FBXL17: variants seen among roughly 807,000 people sequenced by gnomAD.
FBXL17 encodes F-box/LRR-repeat protein 17.
FBXL17 carries 22 observed loss-of-function variants against 66.2 expected under a neutral mutation model. The ratio of observed to expected loss-of-function variants is 0.33; its 90% CI spans 0.24 to 0.47. The LOEUF is 0.47. Among genes scored for constraint, FBXL17 ranks in the 20% least tolerant of loss-of-function variants. The probability of loss-of-function intolerance (pLI) is 1.00; values close to 1 mark genes in which losing one functional copy is unlikely to be tolerated. For synonymous variants in FBXL17, 474 were observed against 400.5 expected, an observed-to-expected ratio of 1.18 and a Z score of -2.19; for missense variants, 878 against 948.2, an observed-to-expected ratio of 0.93 and a Z score of 0.97.
chr5:107,863,281 T>C (rs980682071), intron 8 of FBXL17, among the ~76,000 whole-genome samples: 6 of 151,416 alleles, frequency 4.0e-5, no homozygotes, highest in African/African-American at 1.4e-4. Flanking sequence ...TCATCTGGCC[T>C]TGCCTATTCC....
rs1403305733 is a variant in FBXL17 at position 108,342,739 on chromosome 5, C to T, written c.1506+5660G>A. Among the ~76,000 whole-genome samples, 4 of 152,118 alleles carry T rather than the reference C, an allele frequency of 2.6e-5. No individual in the cohort carries two copies. In the East Asian group the frequency reaches 7.7e-4, roughly 29 times the overall value. ...GGTAAAATTGGATAAAAATAGCTAC[C>T]TCATGTGGTAGTTATGAGGATTAAT... is the stretch of plus-strand genomic sequence containing the variant. On this transcript the variant is annotated intron_variant, in intron 4 of 8. Coordinates refer to ENST00000542267, the MANE Select transcript of FBXL17 (RefSeq NM_001163315.3).
chr5:108,380,738 G>C lies in FBXL17; in HGVS notation c.954C>G (p.Thr318=). 1 of 1,250,250 alleles carries C rather than the reference G, an allele frequency of 8.0e-7. No homozygotes were observed. The highest frequency in any genetic ancestry group is 1.0e-6 in the Non-Finnish European group (1 of 989,728). 77.4% of individuals were successfully genotyped at this position (1,250,250 alleles called of 1,614,324 possible). ...ACGGCGGCAGCTGGTTGATGTCTGG[G>C]GTTTCGGGGGGCGGCTCCCTGTGAC... ...CDCHREPPPE[T]PDINQLPPSI... The change falls in exon 1 of 9, where the codon ACC becomes ACG. Residue 318 remains threonine (T), a synonymous_variant. Transcript: ENST00000542267.
chr5:108,029,928 C>T (rs141597124), intron 6 of FBXL17, among the ~76,000 whole-genome samples: 138 of 151,994 alleles, frequency 9.1e-4, no homozygotes, highest in Non-Finnish European at 1.5e-3. Flanking sequence ...TGGTTCCTAA[C>T]GTTAAAAAGT....
chr5:108,080,963 G>A (rs893995027), intron 6 of FBXL17, among the ~76,000 whole-genome samples: 2 of 152,100 alleles, frequency 1.3e-5, no homozygotes, highest in African/African-American at 2.4e-5. Context: ...ACCTGGAAAG[G>A]GAAAGGGATT....
chr5:107,879,622 G>A (rs1013933971), intron 8 of FBXL17: 2 of 985,310 alleles, frequency 2.0e-6, no homozygotes, highest in African/African-American at 1.7e-5. Context: ...AAATCACAAA[G>A]GACACAAGAG....
intron 4 of FBXL17, among the ~76,000 whole-genome samples, chr5:108,304,795 C>A (rs759646914): frequency 1.4e-4 from 22 of 151,970 alleles, no homozygotes; most frequent in Non-Finnish European, 2.6e-4. Flanking sequence ...CCTCATATTT[C>A]AGCCTTGTAC....
intron 3 of FBXL17, among the ~76,000 whole-genome samples, chr5:108,356,030 T>C (rs573155216): frequency 3.3e-5 from 5 of 152,262 alleles, no homozygotes; most frequent in South Asian, 2.1e-4. Context: ...TAAAAGTAAA[T>C]GGATGAAGAA....
At chr5:108,132,750 G>A (rs1561426184) in intron 6 of FBXL17, among the ~76,000 whole-genome samples, 2 of 152,028 alleles carry the variant, frequency 1.3e-5, no homozygotes, top group Non-Finnish European at 2.9e-5. Flanking sequence ...AATAATGATG[G>A]TCTTACCATA....
At chr5:108,282,269 C>G (rs1580739866) in intron 4 of FBXL17, among the ~76,000 whole-genome samples, 1 of 151,796 alleles carries the variant, frequency 6.6e-6, no homozygotes, top group East Asian at 1.9e-4. Flanking sequence ...CAAAAATCCT[C>G]AACATACTAG....
chr5:108,181,536 A>C (rs1753003508), intron 6 of FBXL17, among the ~76,000 whole-genome samples: 1 of 152,214 alleles, frequency 6.6e-6, no homozygotes, highest in African/African-American at 2.4e-5. Context: ...AAAGTATAAC[A>C]GTAAAGTCTT....
chr5:108,364,939 G>A lies in FBXL17; in HGVS notation c.1173C>T (p.Ile391=), dbSNP rs779647166. ...ACATACTGCGACAATCAGAAATGTT[G>A]ATTTCAATTATATTCTGACTTCTTG... is the stretch of plus-strand genomic sequence containing the variant. ...IASRSQNIIE[I]NISDCRSMSD... is the part of the protein sequence containing the mutation. The change falls in exon 3 of 9, where the codon ATC becomes ATT. Residue 391 remains isoleucine, a synonymous_variant. Coordinates refer to ENST00000542267, the MANE Select transcript of FBXL17 (RefSeq NM_001163315.3). 6.2e-7 allele frequency: 1 copy of A among 1,611,408 alleles called. No homozygotes were observed. Among genetic ancestry groups the A allele is most frequent in the South Asian group, 1.1e-5 (1 of 90,962 alleles).
chr5:108,330,968 G>T (rs570536190), intron 4 of FBXL17, among the ~76,000 whole-genome samples: 14 of 152,058 alleles, frequency 9.2e-5, no homozygotes, highest in Non-Finnish European at 1.9e-4. Flanking sequence ...CAGGACTGTC[G>T]CTTGAACCCA....
At chr5:108,056,148 A>G (rs1290718701) in intron 6 of FBXL17, among the ~76,000 whole-genome samples, 1 of 152,200 alleles carries the variant, frequency 6.6e-6, no homozygotes, top group Non-Finnish European at 1.5e-5. Flanking sequence ...CCCTACACAC[A>G]TTCCTTTGGG....
intron 5 of FBXL17, among the ~76,000 whole-genome samples, chr5:108,213,982 C>T (rs1754488063): frequency 6.6e-6 from 1 of 152,076 alleles, no homozygotes; most frequent in South Asian, 2.1e-4. Context: ...TACAGGAGTC[C>T]CTCTCCCTTA....
In FBXL17 at chr5:108,381,457, C is replaced by T. The variant is rs1209990595; in HGVS notation, c.235G>A (p.Glu79Lys). Residue 79 changes from glutamate to lysine, a missense_variant, in exon 1 of 9, where the codon GAG becomes AAG. Glu to Lys is a moderately conservative substitution (Grantham distance 56). Around this residue, in one of 4 missense-constraint regions of FBXL17, gnomAD observed 605 missense variants for 509.5 expected, o/e 1.19. Transcript: ENST00000542267. ...CGCGGCGGCGGCGAGAGCGGCGGCT[C>T]CTCCTCTGGGCCGGCGGGGGCGGGC... Reference protein sequence around the residue: ...GAPAPAGPEEEPPLSPPPRDG... With the variant: ...GAPAPAGPEEKPPLSPPPRDG... 3 of 1,317,858 alleles carry T rather than the reference C, an allele frequency of 2.3e-6. No individual in the cohort carries two copies. The highest frequency in any genetic ancestry group is 3.1e-5 in the East Asian group (1 of 32,288). 81.6% of individuals were successfully genotyped at this position (1,317,858 alleles called of 1,614,324 possible). A position where few individuals can be genotyped will look rare whatever the true frequency, so the allele number is the denominator to read the frequency against.
intron 6 of FBXL17, among the ~76,000 whole-genome samples, chr5:108,038,734 A>C (rs1290084979): frequency 1.3e-5 from 2 of 152,108 alleles, no homozygotes; most frequent in African/African-American, 2.4e-5. Flanking sequence ...ATTCACAAAA[A>C]AATATGCTTT....
intron 5 of FBXL17, among the ~76,000 whole-genome samples, chr5:108,220,431 A>G (rs1241566228): frequency 3.3e-5 from 5 of 152,174 alleles, no homozygotes; most frequent in African/African-American, 1.2e-4. Flanking sequence ...TTCCCGTATC[A>G]TAGGGATCAT....
intron 7 of FBXL17, among the ~76,000 whole-genome samples, chr5:107,888,717 T>C (rs1320712700): frequency 6.6e-6 from 1 of 152,010 alleles, no homozygotes; most frequent in Admixed American, 6.5e-5. Context: ...TTCTCAATGC[T>C]GTATAATGTT....
At chr5:108,042,270 T>C (rs577803663) in intron 6 of FBXL17, among the ~76,000 whole-genome samples, 1 of 152,310 alleles carries the variant, frequency 6.6e-6, no homozygotes, top group East Asian at 1.9e-4. Flanking sequence ...AGAGAGCCCA[T>C]GTGCCCTTTC....
Sources: allele counts gnomAD v4.1 joint callset (sites outside exome capture counted in the v4.1 genomes callset), GRCh38; gene constraint gnomAD v4.1.1; regional missense constraint gnomAD v4.1.1; transcripts MANE v1.5; gene names NCBI Gene and HGNC (gene_info 2026-07-23, HGNC 2026-07-21).